DCC: variants seen among roughly 807,000 people sequenced by gnomAD.
The protein encoded by DCC is netrin receptor DCC.
In DCC, 58 loss-of-function variants were observed where a neutral mutation model predicts 172.5. The ratio of observed to expected loss-of-function variants is 0.34; its 90% CI spans 0.27 to 0.42. The LOEUF (loss-of-function observed/expected upper bound fraction) is 0.42. Among genes scored for constraint, DCC ranks in the 10% least tolerant of loss-of-function variants. The probability of loss-of-function intolerance (pLI) is 1.00; values close to 1 mark genes in which losing one functional copy is unlikely to be tolerated. For synonymous variants in DCC, 709 were observed against 644.5 expected (o/e 1.10, Z -1.52); for missense variants, 1,740 against 1,791.0 (o/e 0.97, Z 0.51).
chr18:52,536,016 A>C (rs1439573626), intron 1 of DCC, among the ~76,000 whole-genome samples: 1 of 152,192 alleles, frequency 6.6e-6, no homozygotes, highest in Admixed American at 6.5e-5. Flanking sequence ...AATGGAAGAA[A>C]AGTGGTGAAA....
intron 11 of DCC, among the ~76,000 whole-genome samples, chr18:53,208,499 G>A (rs539474902): frequency 7.7e-6 from 1 of 130,088 alleles, no homozygotes; most frequent in African/African-American, 2.6e-5. Flanking sequence ...GATTAAAGGT[G>A]TAAATGATAG....
intron 12 of DCC, among the ~76,000 whole-genome samples, chr18:53,275,109 C>T (rs1240527402): frequency 1.3e-5 from 2 of 151,964 alleles, no homozygotes; most frequent in Non-Finnish European, 2.9e-5. Context: ...GAGGAATGCA[C>T]AGAGATTAAA....
intron 9 of DCC, among the ~76,000 whole-genome samples, chr18:53,203,202 TGTG>T (rs1158642609): frequency 0.06 from 5,388 of 90,030 alleles, 144 homozygotes; most frequent in African/African-American, 0.11. Context: ...TAGATTCTCT[TGTG>T]TGTGTGTGTG....
At chr18:52,664,985 C>G (rs1372317004) in intron 1 of DCC, among the ~76,000 whole-genome samples, 1 of 152,184 alleles carries the variant, frequency 6.6e-6, no homozygotes, top group Non-Finnish European at 1.5e-5. Context: ...ATTTCTGATT[C>G]AAACAAGCAA....
intron 8 of DCC, among the ~76,000 whole-genome samples, chr18:53,158,934 A>G (rs1229603804): frequency 6.8e-6 from 1 of 147,486 alleles, no homozygotes; most frequent in Non-Finnish European, 1.5e-5. Flanking sequence ...CGGAGGTTGA[A>G]GTGAGCCAAG....
intron 1 of DCC, among the ~76,000 whole-genome samples, chr18:52,409,505 C>T (rs1281091277): frequency 1.3e-5 from 2 of 152,148 alleles, no homozygotes; most frequent in African/African-American, 4.8e-5. Context: ...CTTCGAAAGG[C>T]TACCTGCCAT....
chr18:52,651,804 T>C (rs2035136823), intron 1 of DCC, among the ~76,000 whole-genome samples: 1 of 152,140 alleles, frequency 6.6e-6, no homozygotes, highest in African/African-American at 2.4e-5. Context: ...TAATGGACTT[T>C]AAGGAGCAAT....
At chr18:53,047,463 ACCATTTTTGCTATTGAGGAATCTTTTTTT>A (rs1301623415) in intron 5 of DCC, among the ~76,000 whole-genome samples, 2,426 of 84,176 alleles carry the variant, frequency 0.029, 90 homozygotes, top group African/African-American at 0.033. Context: ...ATATATATAT[ACCATTTTTGCTATTGAGGAATCTTTTTTT>A]TATTAAACTG....
rs747785273 is a variant in DCC, at chr18:53,397,351, A to G, written c.2732A>G (p.Lys911Arg). ...CTAAGTTACACAGCAACAGGCCTCA[A>G]ACCAAACACAATGTATGAATTCTCG... ...TSLSYTATGL[K>R]PNTMYEFSVM... The change falls in exon 18 of 29, where the codon AAA becomes AGA. Residue 911 changes from lysine (K) to arginine (R), a missense_variant. Transcript: ENST00000442544. 8 of 1,613,832 alleles carry G rather than the reference A, an allele frequency of 5.0e-6. No individual in the cohort carries two copies. The highest frequency in any genetic ancestry group is 1.7e-5 in the Admixed American group (1 of 59,978).
intron 25 of DCC, among the ~76,000 whole-genome samples, chr18:53,483,611 A>C (rs138710202): frequency 6.6e-6 from 1 of 151,836 alleles, no homozygotes; most frequent in Non-Finnish European, 1.5e-5. Context: ...ACATACAAAC[A>C]TGATCTATTT....
chr18:52,901,429 C>G (rs757907938), intron 2 of DCC, among the ~76,000 whole-genome samples: 7 of 149,832 alleles, frequency 4.7e-5, no homozygotes, highest in Non-Finnish European at 1.0e-4. Flanking sequence ...AAGACTCGGG[C>G]TCAAAATAAA....
chr18:52,470,230 C>A (rs1434146593), intron 1 of DCC, among the ~76,000 whole-genome samples: 1 of 152,208 alleles, frequency 6.6e-6, no homozygotes. Context: ...CCTCCCACTG[C>A]TCCCTGGCTC....
intron 1 of DCC, among the ~76,000 whole-genome samples, chr18:52,738,615 C>T (rs140763483): frequency 3.3e-5 from 5 of 152,280 alleles, no homozygotes; most frequent in African/African-American, 1.2e-4. Context: ...CTATAGACTT[C>T]ATAAACACTG....
intron 2 of DCC, among the ~76,000 whole-genome samples, chr18:52,893,740 C>T (rs535746272): frequency 9.2e-5 from 14 of 152,034 alleles, no homozygotes; most frequent in South Asian, 4.2e-4. Flanking sequence ...GTTAATATAC[C>T]GGAAACATAT....
intron 8 of DCC, among the ~76,000 whole-genome samples, chr18:53,158,918 G>A (rs761602049): frequency 2.0e-5 from 3 of 150,404 alleles, no homozygotes; most frequent in Non-Finnish European, 2.9e-5. Flanking sequence ...GCTTGATCAC[G>A]GGAAGCGGAG....
At chr18:53,263,957 A>G (rs927581591) in intron 12 of DCC, among the ~76,000 whole-genome samples, 2 of 152,172 alleles carry the variant, frequency 1.3e-5, no homozygotes, top group Non-Finnish European at 2.9e-5. Flanking sequence ...CCTATAAGGC[A>G]TAGTTTCTGA....
chr18:53,507,088 T>G (rs1198723780), intron 27 of DCC, among the ~76,000 whole-genome samples: 1 of 152,162 alleles, frequency 6.6e-6, no homozygotes, highest in Non-Finnish European at 1.5e-5. Flanking sequence ...TTTCTCCTTT[T>G]TGTTTTGTGA....
At chr18:53,336,879 C>A (rs1241004837) in intron 14 of DCC, among the ~76,000 whole-genome samples, 2 of 152,130 alleles carry the variant, frequency 1.3e-5, no homozygotes, top group Non-Finnish European at 2.9e-5. Context: ...TTGTCTCTCT[C>A]TCTCAAACAC....
At chr18:53,312,909 GGGAAA>G (rs1318382649) in intron 13 of DCC, among the ~76,000 whole-genome samples, 1 of 72,172 alleles carries the variant, frequency 1.4e-5, no homozygotes, top group Non-Finnish European at 4.8e-5. Context: ...GAGGAGGGAA[GGGAAA>G]GGGAGGGGAG....
Sources: gnomAD v4.1 joint callset for allele counts (sites outside exome capture counted in the v4.1 genomes callset) on GRCh38, gnomAD v4.1.1 for gene constraint, MANE v1.5 for transcripts, NCBI Gene and HGNC (gene_info 2026-07-23, HGNC 2026-07-21) for gene names.